LRRC4C: variants seen among roughly 807,000 people sequenced by gnomAD.
LRRC4C encodes leucine-rich repeat-containing protein 4C.
LRRC4C carries 5 observed loss-of-function variants against 33.6 expected under a neutral mutation model. The ratio of observed to expected loss-of-function variants is 0.15; its 90% confidence interval spans 0.08 to 0.31. The LOEUF (loss-of-function observed/expected upper bound fraction) is 0.31. LRRC4C is among the 10% of genes least tolerant of loss of function. LRRC4C has a pLI of 1.00. For missense variants in LRRC4C, 560 were observed against 796.7 expected, an observed-to-expected ratio of 0.70 and a Z score of 3.58; for synonymous variants, 329 against 302.0, an observed-to-expected ratio of 1.09 and a Z score of -0.93.
chr11:40,783,365 G>A (rs902912858), intron 2 of LRRC4C, among the ~76,000 whole-genome samples: 1 of 151,736 alleles, frequency 6.6e-6, no homozygotes. Context: ...GCACCATCTC[G>A]GCTCACTGCA....
chr11:40,753,692 G>T (rs1948806008), intron 2 of LRRC4C, among the ~76,000 whole-genome samples: 1 of 151,602 alleles, frequency 6.6e-6, no homozygotes, highest in Non-Finnish European at 1.5e-5. Flanking sequence ...ATTTTTAATT[G>T]TTTTTCCTAT....
At chr11:41,386,252 C>T (rs1198595116) in intron 1 of LRRC4C, among the ~76,000 whole-genome samples, 1 of 151,624 alleles carries the variant, frequency 6.6e-6, no homozygotes, top group Non-Finnish European at 1.5e-5. Flanking sequence ...CAATGTTGTA[C>T]TCAGAAATTA....
At chr11:41,054,339 G>A (rs2135311305) in intron 1 of LRRC4C, among the ~76,000 whole-genome samples, 1 of 152,320 alleles carries the variant, frequency 6.6e-6, no homozygotes, top group African/African-American at 2.4e-5. Context: ...CTGCATGGGA[G>A]AGAAGGTAGG....
intron 1 of LRRC4C, among the ~76,000 whole-genome samples, chr11:41,141,689 C>T (rs1943514025): frequency 6.6e-6 from 1 of 152,068 alleles, no homozygotes; most frequent in African/African-American, 2.4e-5. Context: ...TTCATTCTCT[C>T]TCCTGCCACC....
Position 40,392,999 on chromosome 11 carries a change from C to T in LRRC4C, c.-269-73278G>A, listed in dbSNP as rs895221945. 5.3e-5 allele frequency among the ~76,000 whole-genome samples: 8 copies of T among 152,000 alleles called. No homozygotes were observed. The East Asian group carries it at 1.2e-3, about 22-fold the overall frequency. On this transcript the variant is annotated intron_variant, in intron 3 of 6. Transcript: ENST00000528697. Reference sequence around the variant, plus strand: ...ATAAGTGACTCACGATAGCCCATTACGCACTCGCTTAAAATAAAGGCATGT... The same window carrying T: ...ATAAGTGACTCACGATAGCCCATTATGCACTCGCTTAAAATAAAGGCATGT...
At chr11:40,175,773 T>G (rs1303916369) in intron 5 of LRRC4C, among the ~76,000 whole-genome samples, 1 of 152,190 alleles carries the variant, frequency 6.6e-6, no homozygotes, top group Non-Finnish European at 1.5e-5. Flanking sequence ...TTTCAGCCCT[T>G]GATTATATAC....
intron 3 of LRRC4C, among the ~76,000 whole-genome samples, chr11:40,467,993 C>A (rs969565676): frequency 6.6e-6 from 1 of 152,158 alleles, no homozygotes; most frequent in Non-Finnish European, 1.5e-5. Flanking sequence ...TGCAGGCCAG[C>A]ATTCCAGTGG....
intron 2 of LRRC4C, among the ~76,000 whole-genome samples, chr11:40,651,963 T>A (rs1942831140): frequency 6.6e-6 from 1 of 152,236 alleles, no homozygotes; most frequent in South Asian, 2.1e-4. Flanking sequence ...TCATTTTGTA[T>A]CTGTATGAGA....
chr11:40,540,473 CAGG>C (rs1170082147), intron 3 of LRRC4C, among the ~76,000 whole-genome samples: 1 of 152,200 alleles, frequency 6.6e-6, no homozygotes, highest in East Asian at 1.9e-4. Flanking sequence ...TCTTCTTTGT[CAGG>C]AGTATTGTAG....
intron 6 of LRRC4C, among the ~76,000 whole-genome samples, chr11:40,130,059 A>T (rs1856539804): frequency 6.6e-6 from 1 of 152,222 alleles, no homozygotes; most frequent in South Asian, 2.1e-4. Context: ...AAGAAAATGT[A>T]AAATATAGAT....
intron 1 of LRRC4C, among the ~76,000 whole-genome samples, chr11:41,119,533 C>T (rs184577332): frequency 6.6e-6 from 1 of 152,286 alleles, no homozygotes; most frequent in East Asian, 1.9e-4. Context: ...GTTTTATAAC[C>T]TGTTGGAGAA....
intron 3 of LRRC4C, among the ~76,000 whole-genome samples, chr11:40,604,530 G>T (rs886838068): frequency 6.6e-6 from 1 of 151,956 alleles, no homozygotes; most frequent in Non-Finnish European, 1.5e-5. Flanking sequence ...TAGCGGAAAG[G>T]GTAGGTAGTT....
intron 3 of LRRC4C, among the ~76,000 whole-genome samples, chr11:40,339,042 T>G (rs1946753653): frequency 6.6e-6 from 1 of 152,196 alleles, no homozygotes; most frequent in African/African-American, 2.4e-5. Context: ...TTTTCACACC[T>G]TTTCCTCCTC....
In LRRC4C at chr11:41,164,198, T is replaced by A. The variant is rs868734175; in HGVS notation, c.-495-230475A>T. On this transcript the variant is annotated intron_variant, in intron 1 of 6. Coordinates refer to ENST00000528697, the MANE Select transcript of LRRC4C (RefSeq NM_001258419.2). ...TTTTCTTTTACCTTTTTTATTTTTTTTTTTTTTACTTTAAAATTTTTTCTT... is the reference window on the plus strand; with the variant it reads ...TTTTCTTTTACCTTTTTTATTTTTTATTTTTTTACTTTAAAATTTTTTCTT... 4.6e-4 allele frequency among the ~76,000 whole-genome samples: 69 copies of A among 151,258 alleles called. 1 individual carries two copies. The highest frequency in any genetic ancestry group is 1.3e-3 in the African/African-American group (56 of 41,484).
At chr11:40,565,018 C>T (rs937100821) in intron 3 of LRRC4C, among the ~76,000 whole-genome samples, 2 of 152,164 alleles carry the variant, frequency 1.3e-5, no homozygotes, top group Non-Finnish European at 2.9e-5. Context: ...GATTGGGTTA[C>T]ACTATCTACC....
chr11:41,228,685 T>C (rs1381957082), intron 1 of LRRC4C, among the ~76,000 whole-genome samples: 1 of 152,172 alleles, frequency 6.6e-6, no homozygotes, highest in Non-Finnish European at 1.5e-5. Context: ...TAGTGTATGA[T>C]TCTTTTGTCT....
chr11:40,625,135 CTAA>C (rs1962807864), intron 3 of LRRC4C, among the ~76,000 whole-genome samples: 1 of 152,078 alleles, frequency 6.6e-6, no homozygotes, highest in Admixed American at 6.6e-5. Flanking sequence ...GGTCACATGG[CTAA>C]TAATTGCCAT....
At chr11:40,120,056 T>C (rs1855718041) in intron 6 of LRRC4C, among the ~76,000 whole-genome samples, 1 of 152,242 alleles carries the variant, frequency 6.6e-6, no homozygotes, top group African/African-American at 2.4e-5. Context: ...GGCTGCTCCC[T>C]ACTGGCTGAT....
intron 2 of LRRC4C, among the ~76,000 whole-genome samples, chr11:40,780,887 A>C (rs1950185950): frequency 6.6e-6 from 1 of 152,060 alleles, no homozygotes; most frequent in Admixed American, 6.6e-5. Context: ...GGAGGGAGGA[A>C]AAAGAAAAAG....
Sources: gnomAD v4.1 joint callset for allele counts (sites outside exome capture counted in the v4.1 genomes callset) on GRCh38, gnomAD v4.1.1 for gene constraint, MANE v1.5 for transcripts, NCBI Gene and HGNC (gene_info 2026-07-23, HGNC 2026-07-21) for gene names.